The following CUX1 variants were observed in gnomAD, a reference collection of about 807,000 sequenced individuals.
CUX1 encodes the protein cut like homeobox 1.
A neutral mutation model predicts 158.8 loss-of-function variants in CUX1; 31 were observed. The observed-to-expected ratio is 0.20, with a 90% confidence interval of 0.15 to 0.26. CUX1 has a LOEUF of 0.26. Among genes scored for constraint, CUX1 ranks in the 10% least tolerant of loss-of-function variants. The pLI is 1.00. For synonymous variants in CUX1, 879 were observed against 862.1 expected, an observed-to-expected ratio of 1.02 and a Z score of -0.34; for missense variants, 1,589 against 2,014.6, an observed-to-expected ratio of 0.79 and a Z score of 4.04.
intron 14 of CUX1, among the ~76,000 whole-genome samples, chr7:102,265,615 T>G (rs530256130): frequency 6.6e-6 from 1 of 152,142 alleles, no homozygotes; most frequent in East Asian, 2.0e-4. Flanking sequence ...TTTAATTTTT[T>G]GTAGCGACAG....
intron 1 of CUX1, among the ~76,000 whole-genome samples, chr7:101,871,336 T>G (rs1798512680): frequency 6.6e-6 from 1 of 150,598 alleles, no homozygotes; most frequent in Non-Finnish European, 1.5e-5. Flanking sequence ...TTTTTTTTTG[T>G]TAACACCCAT....
At chr7:101,849,331 A>C (rs1489492904) in intron 1 of CUX1, among the ~76,000 whole-genome samples, 4 of 141,866 alleles carry the variant, frequency 2.8e-5, no homozygotes, top group African/African-American at 1.1e-4. Flanking sequence ...CCCTCTTTCC[A>C]CCCTTCACTC....
Position 102,278,471 on chromosome 7 carries a change from A to C in CUX1, c.1680+406A>C, listed in dbSNP as rs1031548582. 6.0e-4 allele frequency among the ~76,000 whole-genome samples: 91 copies of C among 152,038 alleles called. 2 individuals are homozygous for C. Among genetic ancestry groups the C allele is most frequent in the Non-Finnish European group, 2.1e-4 (14 of 67,990 alleles). On this transcript the variant is annotated intron_variant, in intron 18 of 22. Transcript: ENST00000292538. ...TCCGGGCATGGTGGTGCACACCTGT[A>C]GTCCCAGCTACTCAGGAGGCTGAGG...
At chr7:101,963,805 C>T (rs939944940) in intron 2 of CUX1, among the ~76,000 whole-genome samples, 2 of 152,012 alleles carry the variant, frequency 1.3e-5, no homozygotes, top group Middle Eastern at 3.2e-3. Flanking sequence ...GTGTGTACCA[C>T]GACATCTGGC....
chr7:101,947,930 C>T (rs926654598), intron 2 of CUX1, among the ~76,000 whole-genome samples: 2 of 152,186 alleles, frequency 1.3e-5, no homozygotes, highest in African/African-American at 4.8e-5. Context: ...CTATTGCTTA[C>T]GGAATTAATT....
chr7:102,088,984 G>T (rs1352838939), intron 4 of CUX1, among the ~76,000 whole-genome samples: 1 of 151,848 alleles, frequency 6.6e-6, no homozygotes, highest in Non-Finnish European at 1.5e-5. Flanking sequence ...ATGTTTGGTT[G>T]CTTAATTTTG....
intron 14 of CUX1, among the ~76,000 whole-genome samples, chr7:102,265,372 G>A (rs1790730406): frequency 6.7e-6 from 1 of 149,526 alleles, no homozygotes; most frequent in Admixed American, 6.7e-5. Flanking sequence ...AAAAAAAAGA[G>A]AAAGAAAGAA....
At chr7:101,915,312 T>C (rs1804053386) in intron 1 of CUX1, among the ~76,000 whole-genome samples, 1 of 152,178 alleles carries the variant, frequency 6.6e-6, no homozygotes, top group South Asian at 2.1e-4. Context: ...GCACAGGTTC[T>C]CTGGCGCGTT....
chr7:102,043,840 C>T (rs1822423395), intron 3 of CUX1, among the ~76,000 whole-genome samples: 1 of 152,166 alleles, frequency 6.6e-6, no homozygotes, highest in Non-Finnish European at 1.5e-5. Context: ...ATGCCCATTT[C>T]TCCATGTCTC....
chr7:102,026,618 G>A (rs1820054469), intron 2 of CUX1, among the ~76,000 whole-genome samples: 1 of 151,480 alleles, frequency 6.6e-6, no homozygotes, highest in South Asian at 2.1e-4. Context: ...TCAGGAGTTT[G>A]AGAACAGCCT....
At chr7:102,027,181 TC>T in intron 2 of CUX1, among the ~76,000 whole-genome samples, 1 of 152,116 alleles carries the variant, frequency 6.6e-6, no homozygotes, top group South Asian at 2.1e-4. Flanking sequence ...GATTAGGAGT[TC>T]CAGACCACCT....
At chr7:101,820,314 A>G (rs954522465) in intron 1 of CUX1, among the ~76,000 whole-genome samples, 1 of 152,236 alleles carries the variant, frequency 6.6e-6, no homozygotes, top group Admixed American at 6.5e-5. Context: ...AAGCAGAGAA[A>G]TTCATCATAT....
rs751356139 is a variant in CUX1 at position 101,891,047 on chromosome 7, C to G, written c.31-25068C>G. On this transcript the variant is annotated intron_variant, in intron 1 of 23. Transcript: ENST00000292535. ...TTTGTGTCACATTTTGAATACTTCT[C>G]TATGGCAGTATCTTTTAGAGTTATT... 1.4e-4 allele frequency among the ~76,000 whole-genome samples: 22 copies of G among 152,008 alleles called. 1 individual carries two copies. Among genetic ancestry groups the G allele is most frequent in the Non-Finnish European group, 3.1e-4 (21 of 68,006 alleles).
intron 3 of CUX1, among the ~76,000 whole-genome samples, chr7:102,032,399 C>G (rs765835664): frequency 4.0e-5 from 6 of 151,520 alleles, no homozygotes; most frequent in Non-Finnish European, 7.4e-5. Flanking sequence ...CCGTCTCAGT[C>G]TCATGCCTAT....
chr7:101,896,880 G>A (rs1258110413), intron 1 of CUX1, among the ~76,000 whole-genome samples: 1 of 152,128 alleles, frequency 6.6e-6, no homozygotes, highest in South Asian at 2.1e-4. Context: ...ATTTAGAGAC[G>A]CACTCCCAGT....
intron 2 of CUX1, among the ~76,000 whole-genome samples, chr7:102,015,842 G>T (rs376896165): frequency 2.2e-4 from 34 of 152,088 alleles, no homozygotes; most frequent in African/African-American, 7.5e-4. Context: ...TGGAAGCAGG[G>T]TCTCACCCTG....
At chr7:102,236,674 C>G (rs1799599645) in intron 22 of CUX1, among the ~76,000 whole-genome samples, 1 of 152,174 alleles carries the variant, frequency 6.6e-6, no homozygotes, top group Admixed American at 6.5e-5. Context: ...CCGTGATCCC[C>G]TCACCCGAGC....
rs1554518517 is a variant in CUX1, at chr7:102,196,929, T to A, written c.1518T>A (p.Ile506=). The change falls in exon 15 of 24, where the codon ATT becomes ATA. Residue 506 remains isoleucine (I), a synonymous_variant. Transcript: ENST00000292535. Reference sequence around the variant, plus strand: ...AGGAAGCCGGAAGCACAAGCATGATTTTTTCAACAGGTCCATACAGCACAA... The same window carrying A: ...AGGAAGCCGGAAGCACAAGCATGATATTTTCAACAGGTCCATACAGCACAA... The part of the protein sequence containing the change: ...AMQEAGSTSM[I]FSTGPYSTNS... 1.2e-6 allele frequency: 2 copies of A among 1,614,144 alleles called. No homozygotes were observed. The highest frequency in any genetic ancestry group is 3.3e-5 in the Admixed American group (2 of 60,016).
chr7:101,999,217 CTTTTTTT>C (rs3988167), intron 2 of CUX1, among the ~76,000 whole-genome samples: 27 of 85,840 alleles, frequency 3.1e-4, no homozygotes, highest in Admixed American at 2.4e-3. Flanking sequence ...TTTTTTTTAC[CTTTTTTT>C]TTTTTTTTTT....
Sources: allele counts gnomAD v4.1 joint callset (sites outside exome capture counted in the v4.1 genomes callset), GRCh38; gene constraint gnomAD v4.1.1; transcripts MANE v1.5; gene names NCBI Gene and HGNC (gene_info 2026-07-23, HGNC 2026-07-21).